UIMC1: variants seen among roughly 807,000 people sequenced by gnomAD.
UIMC1 encodes the protein BRCA1-A complex subunit RAP80.
Under a neutral mutation model 84.9 loss-of-function variants are expected in UIMC1, and 42 were observed. The ratio of observed to expected loss-of-function variants is 0.49; its 90% confidence interval spans 0.39 to 0.64. The LOEUF (loss-of-function observed/expected upper bound fraction) is 0.64. Among genes scored for constraint, UIMC1 ranks in the 30% least tolerant of loss-of-function variants. The probability of loss-of-function intolerance (pLI) is 0.00; values close to 1 mark genes in which losing one functional copy is unlikely to be tolerated. For missense variants in UIMC1, 825 were observed against 847.6 expected, an observed-to-expected ratio of 0.97 and a Z score of 0.33; for synonymous variants, 281 against 293.0, an observed-to-expected ratio of 0.96 and a Z score of 0.42.
At chr5:176,908,252 T>C (rs529057784) in intron 12 of UIMC1, among the ~76,000 whole-genome samples, 4 of 152,304 alleles carry the variant, frequency 2.6e-5, no homozygotes, top group Middle Eastern at 3.4e-3. Context: ...GGCCAATACA[T>C]TAAAGGTTAT....
chr5:176,965,714 A>G lies in UIMC1; in HGVS notation c.1200+2841T>C, dbSNP rs986027299. Among the ~76,000 whole-genome samples the G allele has an allele frequency of 4.6e-5, 7 of 152,220 alleles. No homozygotes were observed. In the East Asian group the frequency reaches 1.3e-3, roughly 29 times the overall value. On this transcript the variant is annotated intron_variant, in intron 6 of 14. Coordinates refer to ENST00000511320, the MANE Select transcript of UIMC1 (RefSeq NM_001199298.2). ...ACCTGTAGTATTTGGTGGTCTGGTCATGAAGTTAAGAGTCAAAGAACTTCA... is the reference window on the plus strand; with the variant it reads ...ACCTGTAGTATTTGGTGGTCTGGTCGTGAAGTTAAGAGTCAAAGAACTTCA...
At chr5:176,994,310 AGAT>A (rs1417391440) in intron 1 of UIMC1, among the ~76,000 whole-genome samples, 1 of 152,172 alleles carries the variant, frequency 6.6e-6, no homozygotes, top group African/African-American at 2.4e-5. Flanking sequence ...AAAAACAAAC[AGAT>A]ATTCAATATC....
intron 3 of UIMC1, among the ~76,000 whole-genome samples, chr5:176,974,932 T>C (rs189984835): frequency 1.2e-4 from 19 of 152,150 alleles, no homozygotes; most frequent in South Asian, 6.2e-4. Context: ...AGCTGGAGGA[T>C]TGCTTGAGGC....
At chr5:176,944,651 A>C (rs1388781853) in intron 9 of UIMC1, among the ~76,000 whole-genome samples, 1 of 152,228 alleles carries the variant, frequency 6.6e-6, no homozygotes, top group East Asian at 1.9e-4. Context: ...CAATGCATAG[A>C]AAATGTGACT....
intron 10 of UIMC1, among the ~76,000 whole-genome samples, chr5:176,914,059 T>C (rs746119742): frequency 0.01 from 1,284 of 125,810 alleles, 8 homozygotes; most frequent in South Asian, 0.027. Context: ...TACCATACCA[T>C]ACCATACCAT....
intron 6 of UIMC1, among the ~76,000 whole-genome samples, chr5:176,964,382 A>G (rs1033187167): frequency 6.6e-6 from 1 of 152,244 alleles, no homozygotes; most frequent in Non-Finnish European, 1.5e-5. Context: ...AAATTGTAAC[A>G]GCCTTTCTGA....
chr5:176,950,279 T>C (rs1042403443), intron 9 of UIMC1, among the ~76,000 whole-genome samples: 8 of 150,694 alleles, frequency 5.3e-5, no homozygotes, highest in African/African-American at 1.9e-4. Context: ...TTTGTATTTT[T>C]AGTAGAGACA....
chr5:177,007,696 A>G (rs903310079), upstream of UIMC1, among the ~76,000 whole-genome samples: 1 of 152,258 alleles, frequency 6.6e-6, no homozygotes, highest in Non-Finnish European at 1.5e-5. Context: ...GTAAAAGTAT[A>G]TAAGATGAAC....
chr5:177,003,747 TG>T (rs1293392461), intron 1 of UIMC1, among the ~76,000 whole-genome samples: 1 of 152,132 alleles, frequency 6.6e-6, no homozygotes, highest in Admixed American at 6.6e-5. Context: ...GAGATGAGTA[TG>T]GGGGAAGACT....
chr5:176,968,307 G>A (rs1175816929), intron 6 of UIMC1, among the ~76,000 whole-genome samples: 1 of 151,710 alleles, frequency 6.6e-6, no homozygotes, highest in East Asian at 1.9e-4. Flanking sequence ...GGGAGGTGGA[G>A]ATTGCAGTGA....
chr5:177,000,808 T>C (rs762842692), intron 1 of UIMC1, among the ~76,000 whole-genome samples: 6 of 152,176 alleles, frequency 3.9e-5, no homozygotes, highest in Non-Finnish European at 7.3e-5. Context: ...CCTGCATGTC[T>C]TCTTTGGAGT....
At chr5:176,917,588 A>G (rs1761168147) in intron 10 of UIMC1, among the ~76,000 whole-genome samples, 2 of 152,174 alleles carry the variant, frequency 1.3e-5, no homozygotes, top group Admixed American at 6.5e-5. Context: ...AACAAAAACA[A>G]AAACAAAAAA....
At chr5:176,928,736 G>A (rs886958434) in intron 10 of UIMC1, among the ~76,000 whole-genome samples, 3 of 152,116 alleles carry the variant, frequency 2.0e-5, no homozygotes, top group African/African-American at 7.2e-5. Flanking sequence ...CGGATCACGA[G>A]GTCAGGAGAT....
chr5:176,972,561 C>A (rs1201252195), intron 3 of UIMC1, among the ~76,000 whole-genome samples: 5 of 151,930 alleles, frequency 3.3e-5, no homozygotes. Context: ...CATGGTGAAA[C>A]CTCATCTCTA....
At chr5:177,018,887 T>C (rs1211897614) in intron 1 of UIMC1, among the ~76,000 whole-genome samples, 1 of 152,222 alleles carries the variant, frequency 6.6e-6, no homozygotes, top group African/African-American at 2.4e-5. Flanking sequence ...GCAACTTATA[T>C]ACTCCACTCC....
At chr5:176,997,671 C>A (rs189603133) in intron 1 of UIMC1, among the ~76,000 whole-genome samples, 1 of 117,624 alleles carries the variant, frequency 8.5e-6, no homozygotes, top group African/African-American at 3.3e-5. Flanking sequence ...GGCAACAGAG[C>A]GAGACTCTGT....
intron 10 of UIMC1, chr5:176,919,257 C>T: frequency 3.3e-6 from 1 of 300,008 alleles, no homozygotes; most frequent in Non-Finnish European, 6.6e-6. Flanking sequence ...CCAGCCTGGG[C>T]AACAGAAAGA....
At chr5:177,015,407 C>G (rs1176078069) in intron 1 of UIMC1, among the ~76,000 whole-genome samples, 1 of 152,160 alleles carries the variant, frequency 6.6e-6, no homozygotes, top group Non-Finnish European at 1.5e-5. Context: ...TGTCAGGGTT[C>G]AAGATATGAC....
chr5:176,999,506 A>T (rs1158292657), intron 1 of UIMC1, among the ~76,000 whole-genome samples: 1 of 146,336 alleles, frequency 6.8e-6, no homozygotes, highest in Admixed American at 6.9e-5. Flanking sequence ...TATTGATTCT[A>T]TTTTTTTTTT....
Sources: allele counts gnomAD v4.1 joint callset (sites outside exome capture counted in the v4.1 genomes callset), GRCh38; gene constraint gnomAD v4.1.1; transcripts MANE v1.5; gene names NCBI Gene and HGNC (gene_info 2026-07-23, HGNC 2026-07-21).